The following ZSWIM7 variants were observed in gnomAD, a reference collection of about 807,000 sequenced individuals.
ZSWIM7 encodes the protein zinc finger SWIM-type containing 7, also known as zinc finger SWIM domain-containing protein 7.
In ZSWIM7, 22 loss-of-function variants were observed where a neutral mutation model predicts 21.1. That is an observed-to-expected ratio of 1.04 (90% confidence interval 0.74 to 1.49). The LOEUF (loss-of-function observed/expected upper bound fraction) is 1.49, where lower values mean the gene tolerates loss of function less well. ZSWIM7 is among the 40% of genes most tolerant of loss of function. ZSWIM7 has a pLI of 0.00. For synonymous variants in ZSWIM7, 67 were observed against 66.5 expected (o/e 1.01, Z -0.04); for missense variants, 193 against 168.0 (o/e 1.15, Z -0.82).
At position 15,984,609 on chromosome 17, in the gene ZSWIM7, C is replaced by A. The variant is rs1285192751; in HGVS notation, c.201+2657G>T. Among the ~76,000 whole-genome samples, 5 of 152,208 alleles carry A rather than the reference C, an allele frequency of 3.3e-5. No individual in the cohort carries two copies. The East Asian group carries it at 9.6e-4, about 29-fold the overall frequency. On this transcript the variant is annotated intron_variant, in intron 3 of 4. Transcript: ENST00000399277. ...AGTTTTATTTTATGACCGCTCCAAG[C>A]CTCTTAGGACACTCCACAGTGTCTT...
chr17:15,979,643 C>CG (rs1236048167), intron 4 of ZSWIM7, among the ~76,000 whole-genome samples: 1 of 127,160 alleles, frequency 7.9e-6, no homozygotes, highest in Non-Finnish European at 1.7e-5. Flanking sequence ...CCCTCCCGGA[C>CG]GGGGCGGCTG....
At position 15,977,918 on chromosome 17, in the gene ZSWIM7, A is replaced by C; in HGVS notation, c.*129T>G. 1.4e-5 allele frequency: 11 copies of C among 781,102 alleles called. No homozygotes were observed. In the South Asian group the frequency reaches 1.4e-4, roughly 10 times the overall value. The allele number at this position is 781,102 out of a possible 1,614,324, so 48.4% of individuals were successfully genotyped here. On this transcript the variant is annotated 3_prime_UTR_variant, in exon 5 of 5. Coordinates refer to ENST00000399277, the MANE Select transcript of ZSWIM7 (RefSeq NM_001042697.2). ...CCCACAGCACCTCCTGCAGTCCTGGAGGGAAAAGGGACAGTAACATGAAGT... is the reference window on the plus strand; with the variant it reads ...CCCACAGCACCTCCTGCAGTCCTGGCGGGAAAAGGGACAGTAACATGAAGT...
At chr17:15,982,559 A>G (rs189746996) in intron 3 of ZSWIM7, among the ~76,000 whole-genome samples, 2 of 152,306 alleles carry the variant, frequency 1.3e-5, no homozygotes, top group Non-Finnish European at 2.9e-5. Flanking sequence ...TGACTGCAAG[A>G]ACAAACAGCA....
At chr17:15,979,621 A>T (rs1329029279) in intron 4 of ZSWIM7, among the ~76,000 whole-genome samples, 1 of 118,222 alleles carries the variant, frequency 8.5e-6, no homozygotes, top group South Asian at 2.8e-4. Context: ...CGGGGGGCTG[A>T]CCCCCCCACC....
At chr17:15,995,930 C>T (rs1293437054) in intron 1 of ZSWIM7, among the ~76,000 whole-genome samples, 1 of 151,144 alleles carries the variant, frequency 6.6e-6, no homozygotes, top group East Asian at 1.9e-4. Flanking sequence ...ATTCAAACTT[C>T]CAGAGAAAAA....
chr17:15,979,270 A>G (rs1208165521), intron 4 of ZSWIM7, among the ~76,000 whole-genome samples: 1 of 151,844 alleles, frequency 6.6e-6, no homozygotes, highest in Admixed American at 6.6e-5. Context: ...CCCTGAGTGG[A>G]CACAGCACAT....
intron 2 of ZSWIM7, among the ~76,000 whole-genome samples, chr17:15,992,719 G>A (rs1299726572): frequency 1.3e-5 from 2 of 152,056 alleles, no homozygotes; most frequent in Non-Finnish European, 2.9e-5. Flanking sequence ...GATTACAGGC[G>A]TGAGCCATTG....
In ZSWIM7 at chr17:15,976,623, G is replaced by T. The variant is rs1301366866; in HGVS notation, c.*1424C>A. 1 of 152,084 alleles carries T rather than the reference G, an allele frequency of 6.6e-6. No individual in the cohort carries two copies. The highest frequency in any genetic ancestry group is 6.6e-5 in the Admixed American group (1 of 15,266). 9.4% of individuals were successfully genotyped at this position (152,084 alleles called of 1,614,324 possible). A position where few individuals can be genotyped will look rare whatever the true frequency, so the allele number is the denominator to read the frequency against. ...GTTGCACTTTTTAACAAAACAAAAA[G>T]CATCTGCCAACCACAGAACATTGCA... On this transcript the variant is annotated 3_prime_UTR_variant, in exon 5 of 5. Coordinates refer to ENST00000399277, the MANE Select transcript of ZSWIM7 (RefSeq NM_001042697.2).
At chr17:15,982,205 G>A (rs1970363911) in intron 3 of ZSWIM7, among the ~76,000 whole-genome samples, 1 of 152,144 alleles carries the variant, frequency 6.6e-6, no homozygotes, top group Admixed American at 6.5e-5. Context: ...CACATCTGTA[G>A]TATGATCGCA....
At chr17:15,991,917 TG>T (rs1189384483) in intron 2 of ZSWIM7, among the ~76,000 whole-genome samples, 7 of 85,100 alleles carry the variant, frequency 8.2e-5, no homozygotes, top group South Asian at 6.8e-4. Context: ...TTTTTTTGTT[TG>T]TTTTGTTTTG....
chr17:15,980,731 T>G (rs1318618065), intron 4 of ZSWIM7, among the ~76,000 whole-genome samples: 3 of 152,176 alleles, frequency 2.0e-5, no homozygotes, highest in African/African-American at 7.2e-5. Flanking sequence ...AACATCGAAT[T>G]TAGTTCATAT....
At chr17:15,999,249 T>C in intron 1 of ZSWIM7, 1 of 582,708 alleles carries the variant, frequency 1.7e-6, no homozygotes, top group Non-Finnish European at 3.1e-6. Context: ...AGCACTTCGG[T>C]CCCCACTGGC....
intron 1 of ZSWIM7, 105 bp downstream of exon 1, chr17:15,999,414 G>A (rs1185322290): frequency 7.2e-7 from 1 of 1,389,532 alleles, no homozygotes; most frequent in Non-Finnish European, 9.9e-7. Flanking sequence ...ATGGAAAAAA[G>A]GCAGGGCCAG....
At chr17:15,989,946 C>T (rs895498313) in intron 2 of ZSWIM7, among the ~76,000 whole-genome samples, 3 of 152,060 alleles carry the variant, frequency 2.0e-5, no homozygotes, top group East Asian at 1.9e-4. Flanking sequence ...ACCGGCCAGG[C>T]GCGGTGGCTC....
chr17:15,981,774 G>A (rs948678182), intron 3 of ZSWIM7, among the ~76,000 whole-genome samples: 1 of 152,114 alleles, frequency 6.6e-6, no homozygotes, highest in African/African-American at 2.4e-5. Context: ...TTTAAAGTCA[G>A]GTATGGTGGC....
At chr17:15,981,705 A>T (rs1970358092) in intron 3 of ZSWIM7, among the ~76,000 whole-genome samples, 2 of 152,074 alleles carry the variant, frequency 1.3e-5, no homozygotes, top group African/African-American at 4.8e-5. Flanking sequence ...CCCCCCCCAG[A>T]GTTCAAGACC....
Position 15,978,055 on chromosome 17 carries a change from C to T in ZSWIM7, c.415G>A (p.Glu139Lys). Residue 139 changes from glutamate to lysine, a missense_variant, in exon 5 of 5, where the codon GAA becomes AAA. Physicochemically the swap from Glu to Lys is moderately conservative, Grantham distance 56. Coordinates refer to ENST00000399277, the MANE Select transcript of ZSWIM7 (RefSeq NM_001042697.2). ...TDILLMEKKQ[E>K]A ...TGCTCAATCTGTACCTTTTATGCTT[C>T]TTGTTTCTTCTCCATCAATAATATG... is the stretch of plus-strand genomic sequence containing the variant. 6.2e-7 allele frequency: 1 copy of T among 1,612,848 alleles called. No homozygotes were observed. Among genetic ancestry groups the T allele is most frequent in the South Asian group, 1.1e-5 (1 of 91,070 alleles).
At chr17:15,982,418 CT>C (rs1970366460) in intron 3 of ZSWIM7, among the ~76,000 whole-genome samples, 1 of 152,142 alleles carries the variant, frequency 6.6e-6, no homozygotes, top group Non-Finnish European at 1.5e-5. Context: ...CTTCAAAGCA[CT>C]TTTAGGCTCT....
chr17:15,999,669 A>C lies in ZSWIM7; in HGVS notation c.-75T>G, dbSNP rs1970648774. 6.4e-7 allele frequency: 1 copy of C among 1,561,582 alleles called. No homozygotes were observed. On this transcript the variant is annotated 5_prime_UTR_variant, in exon 1 of 5. Coordinates refer to ENST00000399277, the MANE Select transcript of ZSWIM7 (RefSeq NM_001042697.2). ...AGCTGACTGCGCCTACCTGTGGAGGATCCTGACCCCCCGCCGGGGCAGGGC... is the reference window on the plus strand; with the variant it reads ...AGCTGACTGCGCCTACCTGTGGAGGCTCCTGACCCCCCGCCGGGGCAGGGC...
Sources: gnomAD v4.1 joint callset for allele counts (sites outside exome capture counted in the v4.1 genomes callset) on GRCh38, gnomAD v4.1.1 for gene constraint, MANE v1.5 for transcripts, NCBI Gene and HGNC (gene_info 2026-07-23, HGNC 2026-07-21) for gene names.